ANXA11: variants seen among roughly 807,000 people sequenced by gnomAD.
The protein encoded by ANXA11 is annexin A11, also known as 56 kDa autoantigen.
Under a neutral mutation model 64.7 loss-of-function variants are expected in ANXA11, and 57 were observed. That is an observed-to-expected ratio of 0.88 (90% CI 0.71 to 1.10). The LOEUF (loss-of-function observed/expected upper bound fraction) is 1.10, where lower values mean the gene tolerates loss of function less well. Among genes scored for constraint, ANXA11 ranks in the 50% least tolerant of loss-of-function variants. ANXA11 has a pLI of 0.00. For missense variants in ANXA11, 675 were observed against 670.7 expected, an observed-to-expected ratio of 1.01 and a Z score of -0.07; for synonymous variants, 260 against 265.2, an observed-to-expected ratio of 0.98 and a Z score of 0.19.
At chr10:80,167,084 T>A in intron 6 of ANXA11, 100 bp from the exon 7 acceptor site, 1 of 1,269,348 alleles carries the variant, frequency 7.9e-7, no homozygotes, top group Non-Finnish European at 1.1e-6. Flanking sequence ...CTGGGCATGC[T>A]AGCCATACCC....
rs192847010 is a variant in ANXA11, at chr10:80,161,566, G to A, written c.1180+369C>T. On this transcript the variant is annotated intron_variant, in intron 12 of 15. Coordinates refer to ENST00000422982, the MANE Select transcript of ANXA11 (RefSeq NM_145868.2). ...GACAGACTGACCCATGCGGGAGCGCGATTTACATCTGTTGAATGAATGAGT... is the reference window on the plus strand; with the variant it reads ...GACAGACTGACCCATGCGGGAGCGCAATTTACATCTGTTGAATGAATGAGT... Among the ~76,000 whole-genome samples, 16 of 152,370 alleles carry A rather than the reference G, an allele frequency of 1.1e-4. No homozygotes were observed. The East Asian group carries it at 2.9e-3, about 28-fold the overall frequency.
intron 1 of ANXA11, among the ~76,000 whole-genome samples, chr10:80,194,101 A>G (rs1260907928): frequency 6.6e-6 from 1 of 152,204 alleles, no homozygotes; most frequent in Non-Finnish European, 1.5e-5. Context: ...AGTTAAAATA[A>G]AACACTAGCA....
At chr10:80,194,385 T>C (rs532272411) in intron 1 of ANXA11, among the ~76,000 whole-genome samples, 1 of 152,180 alleles carries the variant, frequency 6.6e-6, no homozygotes, top group East Asian at 1.9e-4. Flanking sequence ...GGGGCTGGGC[T>C]ACACCCCCTA....
rs530715098 is a variant in ANXA11 at position 80,186,650 on chromosome 10, G to C, written c.-57-10495C>G. On this transcript the variant is annotated intron_variant, in intron 1 of 15. Transcript: ENST00000422982. ...TGAAGCTCCAACCCTGCGGGCACCA[G>C]AGCCTGTCCTCAGAATTTTCACTGA... 2.2e-3 allele frequency among the ~76,000 whole-genome samples: 328 copies of C among 152,328 alleles called. 8 individuals are homozygous for C. Among genetic ancestry groups the C allele is most frequent in the Admixed American group, 0.02 (310 of 15,302 alleles).
intron 1 of ANXA11, among the ~76,000 whole-genome samples, chr10:80,185,297 A>G (rs1161364764): frequency 6.6e-6 from 1 of 152,216 alleles, no homozygotes. Context: ...AAGCAGATAG[A>G]GTGATGGGCA....
Position 80,155,299 on chromosome 10 carries a change from C to CT in ANXA11, c.*553dup, listed in dbSNP as rs55965241. The CT allele has an allele frequency of 0.097, 14,682 of 151,884 alleles. 882 individuals are homozygous for CT. Among genetic ancestry groups the CT allele is most frequent in the South Asian group, 0.24 (1,133 of 4,774 alleles). The allele number at this position is 151,884 out of a possible 1,614,324, so 9.4% of individuals were successfully genotyped here. ...AGATGGAAGGAATGACTTTCTGGCC[C>CT]TTTTTTTTTGTTTTTTCTAAAAAGG... is the stretch of plus-strand genomic sequence containing the variant. On this transcript the variant is annotated 3_prime_UTR_variant, in exon 16 of 16. Coordinates refer to ENST00000422982, the MANE Select transcript of ANXA11 (RefSeq NM_145868.2).
chr10:80,171,345 T>A (rs1316973375), intron 3 of ANXA11: 4 of 761,354 alleles, frequency 5.3e-6, no homozygotes, highest in African/African-American at 1.9e-5. Flanking sequence ...GGGAGGGGGT[T>A]TGGCTGTTTG....
chr10:80,157,102 C>T (rs1845304924), intron 15 of ANXA11: 33 of 975,146 alleles, frequency 3.4e-5, no homozygotes, highest in East Asian at 1.1e-4. Context: ...CAGGAAGGAA[C>T]GATTATTTTC....
chr10:80,180,186 T>C (rs1021293957), intron 1 of ANXA11, among the ~76,000 whole-genome samples: 2 of 152,170 alleles, frequency 1.3e-5, no homozygotes, highest in African/African-American at 4.8e-5. Flanking sequence ...AGGAGGCAAC[T>C]GCCAGAGCAA....
chr10:80,203,356 T>C (rs547265543), intron 1 of ANXA11, among the ~76,000 whole-genome samples: 23 of 152,114 alleles, frequency 1.5e-4, no homozygotes, highest in Non-Finnish European at 1.9e-4. Flanking sequence ...GGTGGGCCCT[T>C]TCTATAGTAT....
In ANXA11 at chr10:80,155,586, GA is replaced by G. The variant is rs1845243206; in HGVS notation, c.*266del. On this transcript the variant is annotated 3_prime_UTR_variant, in exon 16 of 16. Coordinates refer to ENST00000422982, the MANE Select transcript of ANXA11 (RefSeq NM_145868.2). ...GTCTTAGCCACAGGCAAAGGGGAAT[GA>G]TTGCATGAGTCAGAAAAATGAAACA... is the stretch of plus-strand genomic sequence containing the variant. 2 of 480,366 alleles carry G rather than the reference GA, an allele frequency of 4.2e-6. No individual in the cohort carries two copies. Among genetic ancestry groups the G allele is most frequent in the Non-Finnish European group, 3.7e-6 (1 of 271,996 alleles). The allele number at this position is 480,366 out of a possible 1,614,324, so 29.8% of individuals were successfully genotyped here.
At chr10:80,172,773 C>A (rs1209926166) in intron 3 of ANXA11, 34 bp downstream of exon 3, 1 of 1,605,404 alleles carries the variant, frequency 6.2e-7, no homozygotes, top group Non-Finnish European at 8.5e-7. Flanking sequence ...ACAGAGGCAG[C>A]ATTCACTCTC....
intron 3 of ANXA11, chr10:80,171,691 A>T: frequency 1.0e-6 from 1 of 985,482 alleles, no homozygotes; most frequent in Non-Finnish European, 1.2e-6. Context: ...TTTCCTCTAC[A>T]TGGCAGCTTC....
At chr10:80,189,974 A>G (rs1846700080) in intron 1 of ANXA11, among the ~76,000 whole-genome samples, 1 of 152,272 alleles carries the variant, frequency 6.6e-6, no homozygotes, top group Admixed American at 6.5e-5. Context: ...CAATGTGGAT[A>G]AATCTTCAAC....
rs759677084 is a variant in ANXA11, at chr10:80,169,247, A to AG, written c.282dup (p.Ser95LeufsTer102). ...TAGGGAGGAACAGGCTGCTGGGCAGAGGGGGGCTGCCCAAAGCCGCCAGGG... is the reference window on the plus strand; with the variant it reads ...TAGGGAGGAACAGGCTGCTGGGCAGAGGGGGGGCTGCCCAAAGCCGCCAGGG... On this transcript the variant is annotated frameshift_variant, in exon 5 of 16. Coordinates refer to ENST00000422982, the MANE Select transcript of ANXA11 (RefSeq NM_145868.2). LOFTEE classifies it high-confidence loss of function. 43 of 1,611,740 alleles carry AG rather than the reference A, an allele frequency of 2.7e-5. No individual in the cohort carries two copies. Among genetic ancestry groups the AG allele is most frequent in the East Asian group, 1.1e-4 (5 of 44,852 alleles).
At chr10:80,158,141 A>G (rs1845352803) in intron 13 of ANXA11, 116 bp from the exon 14 acceptor site, 1 of 894,734 alleles carries the variant, frequency 1.1e-6, no homozygotes. Flanking sequence ...CACTGCATCC[A>G]TCTTTTCTCC....
intron 1 of ANXA11, among the ~76,000 whole-genome samples, chr10:80,177,802 C>T (rs891392373): frequency 6.6e-5 from 10 of 152,200 alleles, no homozygotes; most frequent in Non-Finnish European, 1.2e-4. Flanking sequence ...GCCTAATTAC[C>T]CCCAGGAGAA....
rs1412449102 is a variant in ANXA11, at chr10:80,155,884, A to C, written c.1487T>G (p.Ile496Ser). The change falls in exon 16 of 16, where the codon ATT (isoleucine) becomes AGT (serine). Residue 496 changes from isoleucine (I) to serine (S), a missense_variant. Transcript: ENST00000422982. ...SGDTSGDYRK[I>S]LLKICGGND ...ATTGCCACCACAGATCTTCAGCAGAATCTTCCGGTAATCCCCTGAAGTATC... is the reference window on the plus strand; with the variant it reads ...ATTGCCACCACAGATCTTCAGCAGACTCTTCCGGTAATCCCCTGAAGTATC... The C allele has an allele frequency of 1.2e-6, 2 of 1,614,248 alleles. No individual in the cohort carries two copies.
intron 5 of ANXA11, among the ~76,000 whole-genome samples, chr10:80,167,813 C>T (rs772612398): frequency 9.2e-5 from 14 of 152,326 alleles, no homozygotes; most frequent in Middle Eastern, 3.4e-3. Flanking sequence ...CTGGTTCCCT[C>T]GCACTGTTCT....
Sources: gnomAD v4.1 joint callset for allele counts (sites outside exome capture counted in the v4.1 genomes callset) on GRCh38, gnomAD v4.1.1 for gene constraint, MANE v1.5 for transcripts, NCBI Gene and HGNC (gene_info 2026-07-23, HGNC 2026-07-21) for gene names.